NAV2: variants seen among roughly 807,000 people sequenced by gnomAD.
NAV2 encodes the protein helicase, APC down-regulated 1.
In NAV2, 54 loss-of-function variants were observed where a neutral mutation model predicts 223.2. The observed-to-expected ratio is 0.24, with a 90% CI of 0.19 to 0.30. The LOEUF is 0.30. Among genes scored for constraint, NAV2 ranks in the 10% least tolerant of loss-of-function variants. The pLI, the probability that NAV2 is intolerant of heterozygous loss-of-function variation, is 1.00. For synonymous variants in NAV2, 1,279 were observed against 1,239.3 expected, an observed-to-expected ratio of 1.03 and a Z score of -0.67; for missense variants, 2,806 against 3,147.5, an observed-to-expected ratio of 0.89 and a Z score of 2.60.
intron 4 of NAV2, among the ~76,000 whole-genome samples, chr11:19,878,980 T>A (rs1007588859): frequency 6.6e-6 from 1 of 151,544 alleles, no homozygotes; most frequent in Non-Finnish European, 1.5e-5. Flanking sequence ...AAGCAGAGAG[T>A]GTTGAGTAAG....
chr11:19,870,371 G>A (rs1341650277), intron 4 of NAV2, among the ~76,000 whole-genome samples: 1 of 152,170 alleles, frequency 6.6e-6, no homozygotes, highest in East Asian at 1.9e-4. Context: ...ACTCGTCCTA[G>A]TTTCTGGGAG....
intron 1 of NAV2, chr11:19,506,763 A>G (rs1425348819): frequency 6.6e-6 from 1 of 152,200 alleles, no homozygotes; most frequent in Non-Finnish European, 1.5e-5. Flanking sequence ...AGAAAGAGAA[A>G]ATGCCACCCA....
intron 9 of NAV2, among the ~76,000 whole-genome samples, chr11:19,947,712 C>CATCCTAGACTCAA (rs1375160007): frequency 6.6e-6 from 1 of 152,220 alleles, no homozygotes; most frequent in East Asian, 1.9e-4. Context: ...AAGACAGACT[C>CATCCTAGACTCAA]TGCCAAGAGA....
upstream of NAV2, chr11:19,711,021 G>C (rs542695353): frequency 1.3e-5 from 2 of 152,206 alleles, no homozygotes; most frequent in African/African-American, 4.8e-5. Context: ...ACAATAGTAC[G>C]GGAGGTGGCA....
chr11:19,592,193 G>A (rs1214094612), intron 1 of NAV2, among the ~76,000 whole-genome samples: 2 of 151,956 alleles, frequency 1.3e-5, no homozygotes, highest in East Asian at 1.9e-4. Context: ...TCCTCTGCTT[G>A]TCCTTCATCT....
intron 1 of NAV2, among the ~76,000 whole-genome samples, chr11:19,436,925 AT>A (rs1851237609): frequency 1.3e-5 from 2 of 152,122 alleles, no homozygotes; most frequent in Middle Eastern, 3.2e-3. Context: ...CTGTATATTG[AT>A]TTTATATCCT....
intron 1 of NAV2, among the ~76,000 whole-genome samples, chr11:19,611,166 G>A (rs577428062): frequency 2.0e-5 from 3 of 152,212 alleles, no homozygotes; most frequent in Middle Eastern, 3.4e-3. Flanking sequence ...ATCAGATCTC[G>A]TGAGACTTAT....
At chr11:19,874,973 G>A (rs1472045241) in intron 4 of NAV2, among the ~76,000 whole-genome samples, 1 of 152,162 alleles carries the variant, frequency 6.6e-6, no homozygotes, top group African/African-American at 2.4e-5. Context: ...CCTGGCCAAT[G>A]TGGTGAAATC....
chr11:19,534,789 A>T (rs1448314056), intron 1 of NAV2, among the ~76,000 whole-genome samples: 1 of 152,182 alleles, frequency 6.6e-6, no homozygotes, highest in Admixed American at 6.5e-5. Context: ...ACCCTAACCT[A>T]TAGCAAACAG....
At chr11:19,666,171 A>T (rs1200784636) in intron 1 of NAV2, among the ~76,000 whole-genome samples, 1 of 152,236 alleles carries the variant, frequency 6.6e-6, no homozygotes, top group East Asian at 1.9e-4. Context: ...GTTCTCTCTG[A>T]CGTTAAAATC....
At chr11:20,031,378 A>G (rs1166620605) in intron 11 of NAV2, among the ~76,000 whole-genome samples, 1 of 152,106 alleles carries the variant, frequency 6.6e-6, no homozygotes, top group Non-Finnish European at 1.5e-5. Flanking sequence ...ATTAGATTCA[A>G]CCAGTGTCCT....
chr11:19,762,312 C>T (rs1181695815), intron 1 of NAV2, among the ~76,000 whole-genome samples: 1 of 152,214 alleles, frequency 6.6e-6, no homozygotes, highest in South Asian at 2.1e-4. Context: ...ATGCCGAATA[C>T]TTCTTCATGA....
chr11:19,631,090 CTT>C (rs528043926), intron 1 of NAV2, among the ~76,000 whole-genome samples: 6 of 141,700 alleles, frequency 4.2e-5, no homozygotes, highest in African/African-American at 2.6e-5. Context: ...ATGGCCCTTT[CTT>C]TTTTTTTTTT....
intron 1 of NAV2, among the ~76,000 whole-genome samples, chr11:19,416,955 T>C (rs1850397106): frequency 6.6e-6 from 1 of 152,202 alleles, no homozygotes; most frequent in South Asian, 2.1e-4. Context: ...TCAAGGTGGA[T>C]TAAAGACTTA....
chr11:19,494,597 T>C (rs1167797587), intron 1 of NAV2, among the ~76,000 whole-genome samples: 3 of 152,212 alleles, frequency 2.0e-5, no homozygotes, highest in Admixed American at 1.3e-4. Flanking sequence ...GTGATCTAAA[T>C]GTAGACGTTC....
chr11:20,087,333 G>A (rs1195059459), intron 26 of NAV2, among the ~76,000 whole-genome samples: 1 of 152,192 alleles, frequency 6.6e-6, no homozygotes, highest in Non-Finnish European at 1.5e-5. Context: ...ACATTCCACA[G>A]CATCCATGCA....
chr11:19,834,471 GA>G (rs2060126566), intron 2 of NAV2, among the ~76,000 whole-genome samples: 1 of 152,082 alleles, frequency 6.6e-6, no homozygotes. Flanking sequence ...ACCACTTATT[GA>G]GCACCAATGT....
chr11:19,483,449 C>T (rs1263098809), intron 1 of NAV2, among the ~76,000 whole-genome samples: 1 of 152,058 alleles, frequency 6.6e-6, no homozygotes, highest in African/African-American at 2.4e-5. Context: ...ATAGTGACCC[C>T]AAAGCACAAG....
chr11:20,031,528 G>C (rs1317553829), intron 11 of NAV2, among the ~76,000 whole-genome samples: 1 of 152,158 alleles, frequency 6.6e-6, no homozygotes, highest in South Asian at 2.1e-4. Flanking sequence ...GCAAAAGAAA[G>C]GAATTTACTA....
Sources: gnomAD v4.1 joint callset for allele counts (sites outside exome capture counted in the v4.1 genomes callset) on GRCh38, gnomAD v4.1.1 for gene constraint, MANE v1.5 for transcripts, NCBI Gene and HGNC (gene_info 2026-07-23, HGNC 2026-07-21) for gene names.